The following DPYD variants were observed in gnomAD, a reference collection of about 807,000 sequenced individuals.
DPYD encodes dihydropyrimidine dehydrogenase [NADP(+)].
Under a neutral mutation model 116.2 loss-of-function variants are expected in DPYD, and 109 were observed. The ratio of observed to expected loss-of-function variants is 0.94; its 90% CI spans 0.80 to 1.10. The LOEUF (loss-of-function observed/expected upper bound fraction) is 1.10, where lower values mean the gene tolerates loss of function less well. DPYD is among the 50% of genes least tolerant of loss of function. The pLI, the probability that DPYD is intolerant of heterozygous loss-of-function variation, is 0.00. For missense variants in DPYD, 1,302 were observed against 1,254.5 expected, an observed-to-expected ratio of 1.04 and a Z score of -0.57; for synonymous variants, 440 against 432.0, an observed-to-expected ratio of 1.02 and a Z score of -0.23.
intron 18 of DPYD, among the ~76,000 whole-genome samples, chr1:97,289,013 T>A (rs1210732489): frequency 1.3e-5 from 2 of 152,162 alleles, no homozygotes; most frequent in Non-Finnish European, 2.9e-5. Context: ...ACATCACCAC[T>A]GATACTGCAG....
At chr1:97,849,223 T>C (rs1323822422) in intron 2 of DPYD, among the ~76,000 whole-genome samples, 1 of 152,144 alleles carries the variant, frequency 6.6e-6, no homozygotes, top group Admixed American at 6.5e-5. Flanking sequence ...TACACTACAA[T>C]CTCATTTTTA....
intron 3 of DPYD, among the ~76,000 whole-genome samples, chr1:97,758,959 G>A (rs1465296524): frequency 3.9e-5 from 6 of 152,126 alleles, no homozygotes; most frequent in Non-Finnish European, 7.4e-5. Context: ...CTCCATTTGG[G>A]AAATGAGACA....
chr1:97,474,016 T>TAA (rs35210810), intron 13 of DPYD, among the ~76,000 whole-genome samples: 1,465 of 132,032 alleles, frequency 0.011, 23 homozygotes, highest in Middle Eastern at 0.032. Flanking sequence ...AAACTGTCTT[T>TAA]AAAAAAAAAA....
intron 8 of DPYD, among the ~76,000 whole-genome samples, chr1:97,661,696 A>T (rs1410802897): frequency 1.3e-5 from 2 of 152,142 alleles, no homozygotes; most frequent in Non-Finnish European, 2.9e-5. Context: ...TTAGTAAGAA[A>T]AAGGGAATGA....
chr1:97,729,223 C>T (rs543375621), intron 4 of DPYD, among the ~76,000 whole-genome samples: 3 of 152,168 alleles, frequency 2.0e-5, no homozygotes, highest in South Asian at 2.1e-4. Context: ...CATACACACA[C>T]GTACACGAGC....
chr1:97,328,179 T>C (rs560522488), intron 16 of DPYD, among the ~76,000 whole-genome samples: 4 of 152,294 alleles, frequency 2.6e-5, no homozygotes, highest in Non-Finnish European at 5.9e-5. Context: ...AGATAGCACA[T>C]GCATAATTCG....
chr1:97,368,884 G>A (rs577557817), intron 16 of DPYD, among the ~76,000 whole-genome samples: 4 of 152,308 alleles, frequency 2.6e-5, no homozygotes, highest in Admixed American at 6.5e-5. Context: ...ATGCAGGCCA[G>A]GGAAGGCCAT....
chr1:97,888,846 G>A (rs1287705567), intron 1 of DPYD, among the ~76,000 whole-genome samples: 1 of 151,994 alleles, frequency 6.6e-6, no homozygotes, highest in Non-Finnish European at 1.5e-5. Flanking sequence ...TAGCAGATGT[G>A]ACTTATAAGA....
At chr1:97,227,331 C>CAAAAAAAAAAAAAAAAAA (rs60992225) in intron 19 of DPYD, among the ~76,000 whole-genome samples, 24 of 26,366 alleles carry the variant, frequency 9.1e-4, no homozygotes, top group South Asian at 3.2e-3. Flanking sequence ...GACTCTATCT[C>CAAAAAAAAAAAAAAAAAA]AAAAAAAAAA....
At chr1:97,488,390 T>G (rs6679873) in intron 13 of DPYD, among the ~76,000 whole-genome samples, 94,950 of 151,914 alleles carry the variant, frequency 0.63, 29,814 homozygotes, top group East Asian at 0.75. Flanking sequence ...GAACCTACAC[T>G]TGATAAAACT....
At chr1:97,399,305 T>C (rs1216307428) in intron 14 of DPYD, among the ~76,000 whole-genome samples, 2 of 152,192 alleles carry the variant, frequency 1.3e-5, no homozygotes, top group Non-Finnish European at 2.9e-5. Context: ...CATTGGTCTA[T>C]ATCTCTTTTG....
At chr1:97,878,221 T>C (rs1672019356) in intron 2 of DPYD, among the ~76,000 whole-genome samples, 1 of 151,832 alleles carries the variant, frequency 6.6e-6, no homozygotes, top group Non-Finnish European at 1.5e-5. Context: ...ATATTTATTA[T>C]TATTATTGTT....
chr1:97,613,671 G>A lies in DPYD; in HGVS notation c.851-18505C>T, dbSNP rs544632468. ...GAAAGAGCTAGAGCATGAATATAGC[G>A]TTTAAGTAATAAAATGAATCCTAAT... On this transcript the variant is annotated intron_variant, in intron 8 of 22. Coordinates refer to ENST00000370192, the MANE Select transcript of DPYD (RefSeq NM_000110.4). Among the ~76,000 whole-genome samples the A allele has an allele frequency of 1.1e-4, 16 of 151,980 alleles. No homozygotes were observed. In the East Asian group the frequency reaches 1.7e-3, roughly 17 times the overall value.
chr1:97,638,022 T>A (rs1283927202), intron 8 of DPYD, among the ~76,000 whole-genome samples: 1 of 152,108 alleles, frequency 6.6e-6, no homozygotes, highest in Non-Finnish European at 1.5e-5. Flanking sequence ...ATGTACTGTA[T>A]CTCATGTAAC....
chr1:97,658,961 T>G (rs1466708833), intron 8 of DPYD, among the ~76,000 whole-genome samples: 2 of 152,044 alleles, frequency 1.3e-5, no homozygotes, highest in African/African-American at 4.8e-5. Flanking sequence ...CCCTCTAACT[T>G]CTCTTTTCCT....
In DPYD at chr1:97,578,314, A is replaced by G. The variant is rs530327599; in HGVS notation, c.1129-4344T>C. Among the ~76,000 whole-genome samples the G allele has an allele frequency of 4.6e-5, 7 of 152,230 alleles. 1 individual carries two copies. The highest frequency in any genetic ancestry group is 1.7e-4 in the African/African-American group (7 of 41,532). ...TCAGACAGAAAATGTTATGACACCC[A>G]TATATTTGTTACAAAAAAAAAGTAT... On this transcript the variant is annotated intron_variant, in intron 10 of 22. Coordinates refer to ENST00000370192, the MANE Select transcript of DPYD (RefSeq NM_000110.4).
intron 18 of DPYD, among the ~76,000 whole-genome samples, chr1:97,263,133 C>T (rs1337461858): frequency 1.3e-5 from 2 of 152,106 alleles, no homozygotes; most frequent in African/African-American, 2.4e-5. Context: ...ATACAAAATA[C>T]TATAGCAGGA....
chr1:97,668,217 A>G (rs1659667746), intron 8 of DPYD, among the ~76,000 whole-genome samples: 2 of 152,186 alleles, frequency 1.3e-5, no homozygotes, highest in Non-Finnish European at 2.9e-5. Flanking sequence ...TTTTTAAGAA[A>G]GCATAAATAA....
intron 2 of DPYD, among the ~76,000 whole-genome samples, chr1:97,863,454 A>T (rs1413997577): frequency 6.6e-6 from 1 of 151,946 alleles, no homozygotes; most frequent in African/African-American, 2.4e-5. Flanking sequence ...ACATAAGAAG[A>T]TATATACAGA....
Sources: allele counts gnomAD v4.1 joint callset (sites outside exome capture counted in the v4.1 genomes callset), GRCh38; gene constraint gnomAD v4.1.1; transcripts MANE v1.5; gene names NCBI Gene and HGNC (gene_info 2026-07-23, HGNC 2026-07-21).